Variants in NRXN3 observed in about 807,000 individuals in gnomAD.
The protein encoded by NRXN3 is neurexin 3, also known as neurexin III.
NRXN3 carries 32 observed loss-of-function variants against 137.6 expected under a neutral mutation model. The ratio of observed to expected loss-of-function variants is 0.23; its 90% CI spans 0.18 to 0.31. The LOEUF (loss-of-function observed/expected upper bound fraction) is 0.31, where lower values mean the gene tolerates loss of function less well. Ranked by LOEUF, NRXN3 falls within the 10% of genes least tolerant of loss-of-function variation. The pLI, the probability that NRXN3 is intolerant of heterozygous loss-of-function variation, is 1.00. For synonymous variants in NRXN3, 798 were observed against 784.5 expected (o/e 1.02, Z -0.29); for missense variants, 1,574 against 2,062.5 (o/e 0.76, Z 4.59).
chr14:79,214,700 T>C (rs915629087), intron 15 of NRXN3, among the ~76,000 whole-genome samples: 2 of 152,188 alleles, frequency 1.3e-5, no homozygotes, highest in African/African-American at 4.8e-5. Context: ...ATGAATAGGA[T>C]ATAGGTCTTG....
chr14:78,522,180 A>C (rs116555499), intron 4 of NRXN3, among the ~76,000 whole-genome samples: 80 of 152,282 alleles, frequency 5.3e-4, no homozygotes, highest in African/African-American at 1.8e-3. Context: ...ACTATGAGTA[A>C]GTTACTATGC....
At chr14:79,828,585 C>T (rs867062040) in intron 20 of NRXN3, among the ~76,000 whole-genome samples, 1 of 142,462 alleles carries the variant, frequency 7.0e-6, no homozygotes, top group Non-Finnish European at 1.5e-5. Context: ...ACGCTCTGCA[C>T]TCCAGCCTGG....
intron 15 of NRXN3, among the ~76,000 whole-genome samples, chr14:79,331,840 C>CTGTGTGTGTGTGTGTG (rs58746209): frequency 1.3e-5 from 2 of 148,718 alleles, no homozygotes; most frequent in African/African-American, 4.9e-5. Context: ...AAGGCTTTTG[C>CTGTGTGTGTGTGTGTG]TGTGTGTGTG....
intron 7 of NRXN3, among the ~76,000 whole-genome samples, chr14:78,711,414 G>T (rs76112828): frequency 0.021 from 3,009 of 146,370 alleles, 110 homozygotes; most frequent in African/African-American, 0.072. Context: ...GGGAGCTAAA[G>T]CACTGGCTAA....
At chr14:78,180,134 C>A (rs2059684927) in intron 1 of NRXN3, among the ~76,000 whole-genome samples, 1 of 152,150 alleles carries the variant, frequency 6.6e-6, no homozygotes, top group Non-Finnish European at 1.5e-5. Context: ...AGGCATGAGC[C>A]ACTGCACCTG....
chr14:78,655,333 T>C (rs1407765471), intron 6 of NRXN3, among the ~76,000 whole-genome samples: 1 of 152,218 alleles, frequency 6.6e-6, no homozygotes, highest in Non-Finnish European at 1.5e-5. Flanking sequence ...ATATATTGCA[T>C]TGTATAAAAT....
chr14:79,358,574 A>T, intron 15 of NRXN3, among the ~76,000 whole-genome samples: 1 of 136,652 alleles, frequency 7.3e-6, no homozygotes. Context: ...AAAAAAAAAA[A>T]GAAAGAAAGA....
rs2099413762 is a variant in NRXN3, at chr14:79,861,488, G to T, written c.4240G>T (p.Ala1414Ser). 6.5e-7 allele frequency: 1 copy of T among 1,538,274 alleles called. No homozygotes were observed. Among genetic ancestry groups the T allele is most frequent in the Middle Eastern group, 1.7e-4 (1 of 5,996 alleles). ...ATCCCCTGAGCTGATCCGCTTCACA[G>T]CTTCCTCCTCGTCTGGGATGGTGCC... is the stretch of plus-strand genomic sequence containing the variant. ...SLSPELIRFTASSSSGMVPKL... is the reference protein window; with the variant it reads ...SLSPELIRFTSSSSSGMVPKL... Residue 1414 changes from alanine to serine, a missense_variant, in exon 21 of 21, where the codon GCT (alanine) becomes TCT (serine). By Grantham distance (99) the Ala-to-Ser change is moderately conservative (BLOSUM62 1). Coordinates refer to ENST00000335750, the MANE Select transcript of NRXN3 (RefSeq NM_001330195.2). The surrounding 1 kb of genome is among the most constrained non-coding windows in gnomAD (Gnocchi z 5.4).
intron 4 of NRXN3, among the ~76,000 whole-genome samples, chr14:78,640,219 G>A (rs2097609099): frequency 6.6e-6 from 1 of 152,112 alleles, no homozygotes; most frequent in African/African-American, 2.4e-5. Flanking sequence ...ACTATATCCA[G>A]GAACTATATC....
At chr14:79,819,080 A>G (rs976014215) in intron 20 of NRXN3, among the ~76,000 whole-genome samples, 10 of 152,210 alleles carry the variant, frequency 6.6e-5, no homozygotes, top group Non-Finnish European at 1.2e-4. Context: ...TGTATTGCCC[A>G]GTGTTAAAAT....
chr14:79,854,103 C>CA (rs954271207), intron 20 of NRXN3: 2 of 980,314 alleles, frequency 2.0e-6, no homozygotes, highest in Non-Finnish European at 1.2e-6. Flanking sequence ...GAAATGACAA[C>CA]AAAAAAAGCA....
intron 4 of NRXN3, among the ~76,000 whole-genome samples, chr14:78,459,825 A>G (rs554406570): frequency 2.0e-4 from 30 of 152,314 alleles, no homozygotes; most frequent in Admixed American, 7.2e-4. Context: ...CAATTCTCCA[A>G]TAGACACCAG....
intron 20 of NRXN3, among the ~76,000 whole-genome samples, chr14:79,819,754 A>G (rs2099265514): frequency 6.6e-6 from 1 of 151,950 alleles, no homozygotes; most frequent in Non-Finnish European, 1.5e-5. Flanking sequence ...AAGTGCTGGG[A>G]TTACAGGCAT....
intron 1 of NRXN3, among the ~76,000 whole-genome samples, chr14:78,241,799 T>G (rs543202057): frequency 6.8e-6 from 1 of 146,796 alleles, no homozygotes; most frequent in East Asian, 2.0e-4. Context: ...AAACTCAGCC[T>G]TTTTTTTTTA....
At chr14:79,511,432 A>G (rs111452721) in intron 16 of NRXN3, among the ~76,000 whole-genome samples, 5 of 152,338 alleles carry the variant, frequency 3.3e-5, no homozygotes, top group African/African-American at 1.2e-4. Flanking sequence ...CCCATGTTCT[A>G]GGTGCAGAAG....
chr14:78,369,930 TAAA>T (rs57610008), intron 4 of NRXN3, among the ~76,000 whole-genome samples: 72,135 of 140,414 alleles, frequency 0.51, 18,353 homozygotes, highest in Middle Eastern at 0.62. Flanking sequence ...TTAGCCTGGT[TAAA>T]AAAAAAAAAA....
chr14:78,678,250 G>T (rs2098030815), intron 6 of NRXN3, among the ~76,000 whole-genome samples: 1 of 151,116 alleles, frequency 6.6e-6, no homozygotes, highest in Non-Finnish European at 1.5e-5. Flanking sequence ...ATAATGTTTT[G>T]TCTATGTTGA....
At chr14:78,777,668 C>A (rs1205804947) in intron 8 of NRXN3, among the ~76,000 whole-genome samples, 1 of 152,166 alleles carries the variant, frequency 6.6e-6, no homozygotes, top group African/African-American at 2.4e-5. Flanking sequence ...ACAATGGCAA[C>A]CCCTTCCCCT....
At chr14:79,402,288 A>G (rs1242706522) in intron 15 of NRXN3, among the ~76,000 whole-genome samples, 1 of 152,152 alleles carries the variant, frequency 6.6e-6, no homozygotes, top group African/African-American at 2.4e-5. Context: ...AACAGTTTAG[A>G]AAATACTAAC....
Sources: gnomAD v4.1 joint callset for allele counts (sites outside exome capture counted in the v4.1 genomes callset) on GRCh38, gnomAD v4.1.1 for gene constraint, Gnocchi (gnomAD v3.1) non-coding constraint, MANE v1.5 for transcripts, NCBI Gene and HGNC (gene_info 2026-07-23, HGNC 2026-07-21) for gene names.